NWD2: variants seen among roughly 807,000 people sequenced by gnomAD.
The protein encoded by NWD2 is NACHT and WD repeat domain containing 2, also known as NACHT and WD repeat domain-containing protein 2.
NWD2 carries 37 observed loss-of-function variants against 132.7 expected under a neutral mutation model. That is an observed-to-expected ratio of 0.28 (90% CI 0.21 to 0.37). The LOEUF (loss-of-function observed/expected upper bound fraction) is 0.37. NWD2 is among the 10% of genes least tolerant of loss of function. The probability of loss-of-function intolerance (pLI) is 1.00; values close to 1 mark genes in which losing one functional copy is unlikely to be tolerated. For synonymous variants in NWD2, 705 were observed against 803.0 expected (o/e 0.88, Z 2.06); for missense variants, 1,592 against 2,122.4 (o/e 0.75, Z 4.91).
At chr4:37,410,110 A>G (rs150172527) in intron 3 of NWD2, among the ~76,000 whole-genome samples, 3,677 of 152,300 alleles carry the variant, frequency 0.024, 57 homozygotes, top group Middle Eastern at 0.058. Context: ...AATGGGCAAA[A>G]CAACCAGCTA....
chr4:37,254,233 T>C (rs1012698395), intron 1 of NWD2, among the ~76,000 whole-genome samples: 35 of 152,208 alleles, frequency 2.3e-4, no homozygotes, highest in African/African-American at 7.7e-4. Flanking sequence ...CATATCAACA[T>C]TTGTTGAAAT....
intron 1 of NWD2, among the ~76,000 whole-genome samples, chr4:37,286,595 G>C (rs1026601553): frequency 6.6e-6 from 1 of 152,200 alleles, no homozygotes; most frequent in Non-Finnish European, 1.5e-5. Context: ...AAGCCCTGTA[G>C]TGTGTAGCCT....
intron 1 of NWD2, among the ~76,000 whole-genome samples, chr4:37,257,584 G>A (rs911987835): frequency 6.6e-6 from 1 of 152,124 alleles, no homozygotes; most frequent in Non-Finnish European, 1.5e-5. Context: ...TTTGTTAAAA[G>A]CTCTAGAATA....
chr4:37,374,448 G>A (rs1720302993), intron 3 of NWD2, among the ~76,000 whole-genome samples: 1 of 152,170 alleles, frequency 6.6e-6, no homozygotes, highest in Admixed American at 6.5e-5. Flanking sequence ...TTGCAGGGAA[G>A]ACAAAGAATA....
intron 1 of NWD2, among the ~76,000 whole-genome samples, chr4:37,280,569 C>T (rs1428638169): frequency 2.6e-5 from 4 of 152,062 alleles, no homozygotes; most frequent in Admixed American, 6.5e-5. Flanking sequence ...TATAAGGAAG[C>T]GACATTGATT....
At chr4:37,292,007 T>C (rs1577657641) in intron 1 of NWD2, among the ~76,000 whole-genome samples, 1 of 152,064 alleles carries the variant, frequency 6.6e-6, no homozygotes, top group African/African-American at 2.4e-5. Flanking sequence ...TTTGAGAGGG[T>C]TAATTATCTG....
intron 2 of NWD2, among the ~76,000 whole-genome samples, chr4:37,344,016 A>G (rs1719582541): frequency 6.6e-6 from 1 of 152,212 alleles, no homozygotes; most frequent in Admixed American, 6.5e-5. Flanking sequence ...AGGTAATATC[A>G]AATTACTTTC....
At chr4:37,291,615 C>T (rs908695567) in intron 1 of NWD2, among the ~76,000 whole-genome samples, 1 of 151,860 alleles carries the variant, frequency 6.6e-6, no homozygotes, top group Non-Finnish European at 1.5e-5. Flanking sequence ...TAAAAGGAAA[C>T]CTTCGTAGCC....
rs1341349623 is a variant in NWD2, at chr4:37,446,278, C to T, written c.4290C>T (p.His1430=). 3.2e-6 allele frequency: 5 copies of T among 1,551,604 alleles called. No homozygotes were observed. Among genetic ancestry groups the T allele is most frequent in the Non-Finnish European group, 4.4e-6 (5 of 1,147,012 alleles). The change falls in exon 7 of 7, where the codon CAC becomes CAT. Residue 1430 remains histidine, a synonymous_variant. Transcript: ENST00000309447. The surrounding 1 kb of genome is among the most constrained non-coding windows in gnomAD (Gnocchi z 6.7). The part of the protein sequence containing the change: ...ASRVWRLATG[H]RVCNILTTLQ... ...GGGTTTGGAGGCTCGCCACAGGCCA[C>T]AGGGTCTGCAACATTCTGACCACTT...
rs550233805 is a variant in NWD2 at position 37,266,796 on chromosome 4, C to G, written c.151+21578C>G. Reference sequence around the variant, plus strand: ...GAGTTCTTAAAGCAAGTGATTATGTCTTTCTCATTTTCACCCTACCCCTCC... The same window carrying G: ...GAGTTCTTAAAGCAAGTGATTATGTGTTTCTCATTTTCACCCTACCCCTCC... On this transcript the variant is annotated intron_variant, in intron 1 of 6. Coordinates refer to ENST00000309447, the MANE Select transcript of NWD2 (RefSeq NM_001144990.2). Among the ~76,000 whole-genome samples the G allele has an allele frequency of 4.6e-5, 7 of 152,054 alleles. No homozygotes were observed. In the South Asian group the frequency reaches 1.5e-3, roughly 32 times the overall value.
At chr4:37,366,392 A>G (rs980303182) in intron 3 of NWD2, among the ~76,000 whole-genome samples, 10 of 152,092 alleles carry the variant, frequency 6.6e-5, no homozygotes, top group African/African-American at 2.4e-4. Flanking sequence ...TAGGAAAGGA[A>G]CCCCTAAATA....
intron 1 of NWD2, among the ~76,000 whole-genome samples, chr4:37,317,442 GCTA>G (rs1396509592): frequency 6.6e-6 from 1 of 152,126 alleles, no homozygotes; most frequent in Non-Finnish European, 1.5e-5. Context: ...GACCACTACT[GCTA>G]CTAACAATAC....
In NWD2 at chr4:37,363,541, A is replaced by G. The variant is rs556052244; in HGVS notation, c.357+7059A>G. Among the ~76,000 whole-genome samples the G allele has an allele frequency of 5.9e-5, 9 of 152,320 alleles. No individual in the cohort carries two copies. In the East Asian group the frequency reaches 1.7e-3, roughly 29 times the overall value. On this transcript the variant is annotated intron_variant, in intron 3 of 6. Coordinates refer to ENST00000309447, the MANE Select transcript of NWD2 (RefSeq NM_001144990.2). The stretch of plus-strand genomic sequence containing the variant: ...TAAGTGGATTAACTCAGGAACAGAA[A>G]ACCAAATACCACATGTTCTCACTTA...
intron 2 of NWD2, among the ~76,000 whole-genome samples, 180 bp downstream of exon 2, chr4:37,326,204 T>C (rs1384797270): frequency 6.6e-6 from 1 of 152,158 alleles, no homozygotes; most frequent in East Asian, 1.9e-4. Flanking sequence ...ATTTTTTATG[T>C]TTAGTTCTTT....
chr4:37,386,100 A>G (rs1720560361), intron 3 of NWD2, among the ~76,000 whole-genome samples: 1 of 152,092 alleles, frequency 6.6e-6, no homozygotes, highest in Non-Finnish European at 1.5e-5. Flanking sequence ...TTGATTTTGG[A>G]CATTTAGGGA....
At chr4:37,432,547 T>C (rs1712209134) in intron 4 of NWD2, among the ~76,000 whole-genome samples, 1 of 152,200 alleles carries the variant, frequency 6.6e-6, no homozygotes, top group Non-Finnish European at 1.5e-5. Context: ...TCATTCTGTC[T>C]ATACATTGAG....
rs144567893 is a variant in NWD2, at chr4:37,395,954, T to G, written c.358-34618T>G. Among the ~76,000 whole-genome samples, 360 of 151,982 alleles carry G rather than the reference T, an allele frequency of 2.4e-3. 3 individuals are homozygous for G. The highest frequency in any genetic ancestry group is 8.4e-3 in the African/African-American group (351 of 41,542). On this transcript the variant is annotated intron_variant, in intron 3 of 6. Coordinates refer to ENST00000309447, the MANE Select transcript of NWD2 (RefSeq NM_001144990.2). ...GAATCTTGATAGCACCTGTCTGAGA[T>G]GTATTGCTTCCCCAGTGGGAAGGAA...
At chr4:37,265,906 A>T (rs138635846) in intron 1 of NWD2, among the ~76,000 whole-genome samples, 1 of 151,760 alleles carries the variant, frequency 6.6e-6, no homozygotes, top group East Asian at 1.9e-4. Flanking sequence ...TCAGGGGGCC[A>T]TTATTTAGCT....
At chr4:37,258,081 C>T (rs10517405) in intron 1 of NWD2, among the ~76,000 whole-genome samples, 7,489 of 152,194 alleles carry the variant, frequency 0.049, 282 homozygotes, top group East Asian at 0.19. Context: ...TCTTTTAGAC[C>T]GTAATGCATA....
Sources: gnomAD v4.1 joint callset for allele counts (sites outside exome capture counted in the v4.1 genomes callset) on GRCh38, gnomAD v4.1.1 for gene constraint, Gnocchi (gnomAD v3.1) non-coding constraint, MANE v1.5 for transcripts, NCBI Gene and HGNC (gene_info 2026-07-23, HGNC 2026-07-21) for gene names.